GRIA1: variants seen among roughly 807,000 people sequenced by gnomAD.
GRIA1 encodes the protein glutamate receptor 1.
In GRIA1, 31 loss-of-function variants were observed where a neutral mutation model predicts 99.2. The observed-to-expected ratio is 0.31, with a 90% confidence interval of 0.23 to 0.42. GRIA1 has a LOEUF of 0.42. Ranked by LOEUF, GRIA1 falls within the 10% of genes least tolerant of loss-of-function variation. The pLI is 1.00. For missense variants in GRIA1, 782 were observed against 1,157.5 expected (o/e 0.68, Z 4.71); for synonymous variants, 438 against 432.4 (o/e 1.01, Z -0.16).
At chr5:153,801,526 G>A (rs748116087) in intron 14 of GRIA1, among the ~76,000 whole-genome samples, 10 of 152,352 alleles carry the variant, frequency 6.6e-5, no homozygotes, top group Non-Finnish European at 1.0e-4. Flanking sequence ...TCCTAGGAAT[G>A]AAGCACCCTT....
chr5:153,793,105 G>A (rs1765406888), intron 13 of GRIA1, among the ~76,000 whole-genome samples: 1 of 152,050 alleles, frequency 6.6e-6, no homozygotes, highest in Non-Finnish European at 1.5e-5. Flanking sequence ...TCCCAGGGAG[G>A]GATCAACATG....
chr5:153,789,169 T>C (rs1036491103), intron 13 of GRIA1, among the ~76,000 whole-genome samples: 13 of 152,174 alleles, frequency 8.5e-5, no homozygotes, highest in African/African-American at 2.7e-4. Flanking sequence ...ATCATTCTGG[T>C]AATTGATCTC....
rs189983276 is a variant in GRIA1, at chr5:153,807,838, C to T, written c.2521-3187C>T. On this transcript the variant is annotated intron_variant, in intron 15 of 15. Coordinates refer to ENST00000285900, the MANE Select transcript of GRIA1 (RefSeq NM_000827.4). ...AAGAGCAGCAAAGTATTATTCACCACCTCATTCCCAAAGGAAAATAATCCC... is the reference window on the plus strand; with the variant it reads ...AAGAGCAGCAAAGTATTATTCACCATCTCATTCCCAAAGGAAAATAATCCC... Among the ~76,000 whole-genome samples the T allele has an allele frequency of 1.1e-3, 162 of 152,328 alleles. 1 individual carries two copies. Among genetic ancestry groups the T allele is most frequent in the Non-Finnish European group, 1.2e-4 (8 of 68,032 alleles).
chr5:153,493,877 C>T lies in GRIA1; in HGVS notation c.83-51C>T, dbSNP rs566464089. 3.7e-6 allele frequency: 6 copies of T among 1,604,370 alleles called. No individual in the cohort carries two copies. In the East Asian group the frequency reaches 1.3e-4, roughly 36 times the overall value. Reference sequence around the variant, plus strand: ...CTCATCTGGAGTGAGTCGTGAGGAACTAAAACCTGTCTCTAGCCCATATAC... The same window carrying T: ...CTCATCTGGAGTGAGTCGTGAGGAATTAAAACCTGTCTCTAGCCCATATAC... On this transcript the variant is annotated intron_variant, in intron 1 of 15. Coordinates refer to ENST00000285900, the MANE Select transcript of GRIA1 (RefSeq NM_000827.4).
chr5:153,784,851 A>G (rs1475417939), intron 13 of GRIA1, among the ~76,000 whole-genome samples: 3 of 152,206 alleles, frequency 2.0e-5, no homozygotes, highest in Non-Finnish European at 4.4e-5. Context: ...GAAGCCATTA[A>G]GGAGTGCATC....
At chr5:153,521,277 A>C (rs937458571) in intron 2 of GRIA1, among the ~76,000 whole-genome samples, 1 of 152,250 alleles carries the variant, frequency 6.6e-6, no homozygotes, top group Admixed American at 6.5e-5. Context: ...TTCAGGAAGA[A>C]GAGTTTATGC....
Position 153,594,124 on chromosome 5 carries a change from TCTC to T in GRIA1, c.221-52796_221-52794del, listed in dbSNP as rs536568755. 2.5e-3 allele frequency among the ~76,000 whole-genome samples: 386 copies of T among 152,308 alleles called. 1 individual carries two copies. The highest frequency in any genetic ancestry group is 8.7e-3 in the African/African-American group (360 of 41,568). ...TCTTTGTTTGGGATTTATTGTCCCT[TCTC>T]CTCCTCCAGAAGCTGTTACGATTAT... On this transcript the variant is annotated intron_variant, in intron 2 of 15. Coordinates refer to ENST00000285900, the MANE Select transcript of GRIA1 (RefSeq NM_000827.4).
At chr5:153,578,751 A>G (rs1378538810) in intron 2 of GRIA1, among the ~76,000 whole-genome samples, 3 of 152,128 alleles carry the variant, frequency 2.0e-5, no homozygotes, top group Non-Finnish European at 4.4e-5. Context: ...TACTAAAAAT[A>G]CAAAAAATTA....
intron 2 of GRIA1, among the ~76,000 whole-genome samples, chr5:153,546,305 A>G (rs1759612918): frequency 6.6e-6 from 1 of 152,198 alleles, no homozygotes; most frequent in African/African-American, 2.4e-5. Flanking sequence ...AATGGCTGGA[A>G]GTCACAGGGA....
intron 2 of GRIA1, among the ~76,000 whole-genome samples, chr5:153,564,173 C>G (rs1337021479): frequency 1.3e-5 from 2 of 152,130 alleles, no homozygotes; most frequent in East Asian, 3.9e-4. Context: ...CCAACTGAAC[C>G]CTTGAGAGAT....
At chr5:153,552,512 C>A (rs1435950351) in intron 2 of GRIA1, among the ~76,000 whole-genome samples, 1 of 152,118 alleles carries the variant, frequency 6.6e-6, no homozygotes, top group African/African-American at 2.4e-5. Flanking sequence ...AATGTTACTT[C>A]ACATCAAAAT....
Position 153,494,000 on chromosome 5 carries a change from C to T in GRIA1, c.155C>T (p.Pro52Leu). ...FRFALSQLTE[P>L]PKLLPQIDIV... is the part of the protein sequence containing the mutation. The stretch of plus-strand genomic sequence containing the variant: ...TTTGCTTTGTCGCAACTCACAGAGC[C>T]CCCGAAGCTGCTCCCCCAGATTGAT... The change falls in exon 2 of 16, where the codon CCC (proline) becomes CTC (leucine). Residue 52 changes from proline to leucine, a missense_variant. Physicochemically the swap from Pro to Leu is moderately conservative, Grantham distance 98. This residue lies in a region of GRIA1 where 461 missense variants were observed against 521.7 expected (regional missense o/e 0.88). Transcript: ENST00000285900. The T allele has an allele frequency of 6.2e-7, 1 of 1,614,000 alleles. No individual in the cohort carries two copies.
intron 11 of GRIA1, among the ~76,000 whole-genome samples, chr5:153,738,433 A>G (rs1007784390): frequency 2.6e-5 from 4 of 152,204 alleles, no homozygotes; most frequent in Non-Finnish European, 5.9e-5. Context: ...TTCCCCATTC[A>G]TAAAATAGCG....
chr5:153,791,495 T>C (rs1765303261), intron 13 of GRIA1, among the ~76,000 whole-genome samples: 1 of 151,864 alleles, frequency 6.6e-6, no homozygotes, highest in Non-Finnish European at 1.5e-5. Context: ...GTGGGGAAGG[T>C]CTAAGTGAGC....
At chr5:153,758,139 A>G (rs1762944553) in intron 11 of GRIA1, among the ~76,000 whole-genome samples, 1 of 152,104 alleles carries the variant, frequency 6.6e-6, no homozygotes, top group Non-Finnish European at 1.5e-5. Flanking sequence ...GCAAGAAAGA[A>G]CAGAATTAAA....
chr5:153,538,072 A>G (rs1269177766), intron 2 of GRIA1, among the ~76,000 whole-genome samples: 1 of 152,174 alleles, frequency 6.6e-6, no homozygotes, highest in East Asian at 1.9e-4. Context: ...TCATCATCCT[A>G]TGTGATGGTG....
At chr5:153,525,807 G>A (rs1378656387) in intron 2 of GRIA1, among the ~76,000 whole-genome samples, 1 of 152,116 alleles carries the variant, frequency 6.6e-6, no homozygotes, top group African/African-American at 2.4e-5. Context: ...TCTCAAGATA[G>A]TTTTCCCTCC....
intron 8 of GRIA1, 88 bp downstream of exon 8, chr5:153,686,417 T>C (rs1757346289): frequency 2.3e-6 from 2 of 874,618 alleles, no homozygotes; most frequent in African/African-American, 3.4e-5. Context: ...GTCCACCTTT[T>C]CTGGACTGGA....
At chr5:153,724,087 C>T (rs563919768) in intron 11 of GRIA1, among the ~76,000 whole-genome samples, 26 of 152,306 alleles carry the variant, frequency 1.7e-4, no homozygotes, top group East Asian at 3.9e-4. Flanking sequence ...TTGCGGTTCA[C>T]GAAAATCCGC....
Sources: gnomAD v4.1 joint callset for allele counts (sites outside exome capture counted in the v4.1 genomes callset) on GRCh38, gnomAD v4.1.1 for gene constraint, gnomAD v4.1.1 regional missense constraint, MANE v1.5 for transcripts, NCBI Gene and HGNC (gene_info 2026-07-23, HGNC 2026-07-21) for gene names.